The following CACNA1C variants were observed in gnomAD, a reference collection of about 807,000 sequenced individuals.
CACNA1C encodes calcium voltage-gated channel subunit alpha1 C.
Under a neutral mutation model 229.0 loss-of-function variants are expected in CACNA1C, and 30 were observed. That is an observed-to-expected ratio of 0.13 (90% CI 0.10 to 0.18). The LOEUF is 0.18. Among genes scored for constraint, CACNA1C ranks in the 10% least tolerant of loss-of-function variants. The pLI, the probability that CACNA1C is intolerant of heterozygous loss-of-function variation, is 1.00. For synonymous variants in CACNA1C, 1,114 were observed against 1,132.5 expected (o/e 0.98, Z 0.33); for missense variants, 1,658 against 2,845.0 (o/e 0.58, Z 9.49).
rs559347741 is a variant in CACNA1C at position 2,692,956 on chromosome 12, G to A, written c.*1757G>A. 3.7e-4 allele frequency: 57 copies of A among 152,732 alleles called. No homozygotes were observed. Among genetic ancestry groups the A allele is most frequent in the African/African-American group, 1.2e-3 (49 of 41,568 alleles). 9.5% of individuals were successfully genotyped at this position (152,732 alleles called of 1,614,324 possible). On this transcript the variant is annotated 3_prime_UTR_variant, in exon 47 of 47. Transcript: ENST00000399655. ...TGACAAGCTTTACCTTTGAACTCAA[G>A]TGCTTTTCTATATGTGGTTGGGGGA... is the stretch of plus-strand genomic sequence containing the variant.
At chr12:2,329,799 T>G (rs2096481719) in intron 3 of CACNA1C, among the ~76,000 whole-genome samples, 1 of 152,162 alleles carries the variant, frequency 6.6e-6, no homozygotes, top group African/African-American at 2.4e-5. Context: ...CGGCTGTGAC[T>G]TCACTCTCAT....
intron 43 of CACNA1C, among the ~76,000 whole-genome samples, chr12:2,683,572 G>C (rs1277814544): frequency 6.6e-6 from 1 of 152,224 alleles, no homozygotes; most frequent in East Asian, 1.9e-4. Flanking sequence ...GAGGCATGGG[G>C]TTTTCCCCAG....
At chr12:2,333,525 G>A (rs2096609676) in intron 3 of CACNA1C, among the ~76,000 whole-genome samples, 1 of 152,156 alleles carries the variant, frequency 6.6e-6, no homozygotes, top group South Asian at 2.1e-4. Flanking sequence ...TAAGGGGAAG[G>A]CAAACTGTAT....
At chr12:2,635,487 T>C (rs188241082) in intron 30 of CACNA1C, among the ~76,000 whole-genome samples, 1 of 152,190 alleles carries the variant, frequency 6.6e-6, no homozygotes, top group Non-Finnish European at 1.5e-5. Flanking sequence ...TGCTTTAGAG[T>C]TTTGATCTAA....
intron 30 of CACNA1C, 134 bp from the exon 31 acceptor site, chr12:2,648,341 T>C: frequency 1.2e-6 from 1 of 822,198 alleles, no homozygotes; most frequent in South Asian, 1.5e-5. Flanking sequence ...GGCCTACGCT[T>C]TCACGTTTCT....
At chr12:2,122,986 G>A (rs2154152792) in intron 3 of CACNA1C, among the ~76,000 whole-genome samples, 1 of 152,334 alleles carries the variant, frequency 6.6e-6, no homozygotes, top group Admixed American at 6.5e-5. Flanking sequence ...TCGCAGGGAT[G>A]CCGATGATTA....
rs551158457 is a variant in CACNA1C, at chr12:2,600,628, G to C, written c.2854-1226G>C. ...TCGGCAAAATGAGAAAGGCTGTAAA[G>C]GTGATTTGTTGAGCACCTGCAGTGC... On this transcript the variant is annotated intron_variant, in intron 21 of 46. Transcript: ENST00000399655. Among the ~76,000 whole-genome samples the C allele has an allele frequency of 5.9e-5, 9 of 152,352 alleles. No individual in the cohort carries two copies. In the South Asian group the frequency reaches 1.5e-3, roughly 25 times the overall value.
intron 1 of CACNA1C, among the ~76,000 whole-genome samples, chr12:1,980,022 GGA>G (rs1452510055): frequency 6.6e-6 from 1 of 152,116 alleles, no homozygotes; most frequent in Non-Finnish European, 1.5e-5. Context: ...AGACATTATT[GGA>G]GAGAGTACAA....
chr12:2,198,347 C>T (rs1433713092), intron 3 of CACNA1C, among the ~76,000 whole-genome samples: 1 of 152,164 alleles, frequency 6.6e-6, no homozygotes. Flanking sequence ...CTGCTGTTGG[C>T]GGCCAGGAGA....
chr12:2,428,983 C>G (rs1189932338), intron 3 of CACNA1C, among the ~76,000 whole-genome samples: 1 of 152,200 alleles, frequency 6.6e-6, no homozygotes, highest in African/African-American at 2.4e-5. Flanking sequence ...ACTTTTGTAT[C>G]CTGGAGGCCA....
chr12:2,631,547 T>G (rs925900647), intron 29 of CACNA1C, among the ~76,000 whole-genome samples: 1 of 152,220 alleles, frequency 6.6e-6, no homozygotes, highest in Non-Finnish European at 1.5e-5. Context: ...ATCACTATTC[T>G]CCTTTTGCCC....
At chr12:2,661,333 GCAGA>G (rs1226779825) in intron 34 of CACNA1C, among the ~76,000 whole-genome samples, 1 of 143,988 alleles carries the variant, frequency 6.9e-6, no homozygotes, top group Non-Finnish European at 1.5e-5. Flanking sequence ...TCTAAGAGTA[GCAGA>G]CAAATAATAT....
At chr12:2,374,617 A>T (rs1406215109) in intron 3 of CACNA1C, among the ~76,000 whole-genome samples, 3 of 152,204 alleles carry the variant, frequency 2.0e-5, no homozygotes, top group African/African-American at 7.2e-5. Context: ...GCTTACACCC[A>T]CATAGCAGCT....
At chr12:2,244,326 T>C (rs1489389073) in intron 3 of CACNA1C, among the ~76,000 whole-genome samples, 2 of 152,230 alleles carry the variant, frequency 1.3e-5, no homozygotes, top group African/African-American at 4.8e-5. Flanking sequence ...TGTTGACTCA[T>C]GGCTGCAGCT....
At chr12:2,545,571 A>C (rs2099879621) in intron 9 of CACNA1C, among the ~76,000 whole-genome samples, 1 of 152,206 alleles carries the variant, frequency 6.6e-6, no homozygotes, top group South Asian at 2.1e-4. Flanking sequence ...TTTGCTCTTT[A>C]ACATCCTTTC....
chr12:2,088,167 C>A (rs1157304913), intron 1 of CACNA1C, among the ~76,000 whole-genome samples: 1 of 152,202 alleles, frequency 6.6e-6, no homozygotes, highest in East Asian at 1.9e-4. Context: ...TACAATTACA[C>A]TTTTGTTAGG....
intron 3 of CACNA1C, among the ~76,000 whole-genome samples, chr12:2,168,312 A>C (rs903265527): frequency 2.0e-5 from 3 of 152,210 alleles, no homozygotes; most frequent in African/African-American, 7.2e-5. Flanking sequence ...TAGGGGATTG[A>C]TGGGGAAACA....
Position 2,477,681 on chromosome 12 carries a change from C to A in CACNA1C, c.758-8423C>A, listed in dbSNP as rs564498646. Among the ~76,000 whole-genome samples the A allele has an allele frequency of 2.1e-4, 32 of 152,296 alleles. No individual in the cohort carries two copies. The East Asian group carries it at 6.0e-3, about 29-fold the overall frequency. On this transcript the variant is annotated intron_variant, in intron 5 of 46. Transcript: ENST00000399655. ...TCTTCTGTCCCCAGATCCTTCCCTG[C>A]AGGTCTGGGCTGGCATTGTCACAGC...
chr12:2,346,014 G>A lies in CACNA1C; in HGVS notation c.478-102962G>A, dbSNP rs938849725. On this transcript the variant is annotated intron_variant, in intron 3 of 46. Coordinates refer to ENST00000399655, the MANE Select transcript of CACNA1C (RefSeq NM_000719.7). The surrounding 1 kb of genome is among the most constrained non-coding windows in gnomAD (Gnocchi z 4.4). ...GCCCGGGCTTGGTCTGTGAAGGAACGTGGGCCGTATGGCAGTGATGGGAGG... is the reference window on the plus strand; with the variant it reads ...GCCCGGGCTTGGTCTGTGAAGGAACATGGGCCGTATGGCAGTGATGGGAGG... Among the ~76,000 whole-genome samples, 7 of 152,164 alleles carry A rather than the reference G, an allele frequency of 4.6e-5. No individual in the cohort carries two copies. Among genetic ancestry groups the A allele is most frequent in the South Asian group, 2.1e-4 (1 of 4,828 alleles).
Sources: gnomAD v4.1 joint callset for allele counts (sites outside exome capture counted in the v4.1 genomes callset) on GRCh38, gnomAD v4.1.1 for gene constraint, Gnocchi (gnomAD v3.1) non-coding constraint, MANE v1.5 for transcripts, NCBI Gene and HGNC (gene_info 2026-07-23, HGNC 2026-07-21) for gene names.